Variants in SSBP3 observed in about 807,000 individuals in gnomAD.
SSBP3 encodes the protein single stranded DNA binding protein 3, also known as single-stranded DNA-binding protein 3.
A neutral mutation model predicts 69.6 loss-of-function variants in SSBP3; 5 were observed. The ratio of observed to expected loss-of-function variants is 0.07; its 90% CI spans 0.04 to 0.15. The LOEUF (loss-of-function observed/expected upper bound fraction) is 0.15, where lower values mean the gene tolerates loss of function less well. Among genes scored for constraint, SSBP3 ranks in the 10% least tolerant of loss-of-function variants. The pLI is 1.00. For synonymous variants in SSBP3, 196 were observed against 193.4 expected, an observed-to-expected ratio of 1.01 and a Z score of -0.11; for missense variants, 312 against 534.0, an observed-to-expected ratio of 0.58 and a Z score of 4.10.
intron 4 of SSBP3, among the ~76,000 whole-genome samples, chr1:54,327,140 G>C (rs1378711812): frequency 6.6e-6 from 1 of 151,880 alleles, no homozygotes; most frequent in Non-Finnish European, 1.5e-5. Context: ...ACACCCAAAA[G>C]TGACACATTC....
intron 4 of SSBP3, among the ~76,000 whole-genome samples, chr1:54,289,813 G>A (rs1557500388): frequency 6.6e-6 from 1 of 152,096 alleles, no homozygotes; most frequent in Non-Finnish European, 1.5e-5. Context: ...CCATCTCCAG[G>A]GTAGGGGGTG....
rs776507114 is a variant in SSBP3, at chr1:54,306,011, T to C, written c.277-24484A>G. Among the ~76,000 whole-genome samples, 26 of 151,632 alleles carry C rather than the reference T, an allele frequency of 1.7e-4. 1 individual carries two copies. Among genetic ancestry groups the C allele is most frequent in the Non-Finnish European group, 3.1e-4 (21 of 67,930 alleles). On this transcript the variant is annotated intron_variant, in intron 4 of 17. Coordinates refer to ENST00000610401, the Ensembl canonical transcript of SSBP3. ...TTGAGGGTCCAGGGGAAACACCACA[T>C]TCCTCGGTAGCCCTTCCCAGACTTC...
chr1:54,309,732 G>C (rs1645964749), intron 4 of SSBP3, among the ~76,000 whole-genome samples: 1 of 152,112 alleles, frequency 6.6e-6, no homozygotes, highest in African/African-American at 2.4e-5. Context: ...TGCCAAAAAA[G>C]GGAAAAGAAA....
At chr1:54,404,807 G>GT (rs775178423) in intron 2 of SSBP3, 51 bp downstream of exon 2, 11 of 770,496 alleles carry the variant, frequency 1.4e-5, no homozygotes, top group South Asian at 4.4e-5. Flanking sequence ...TCTAAGAATA[G>GT]TGGGGGGGGG....
At chr1:54,230,028 G>A (rs1279327014) in intron 14 of SSBP3, among the ~76,000 whole-genome samples, 1 of 152,242 alleles carries the variant, frequency 6.6e-6, no homozygotes, top group Non-Finnish European at 1.5e-5. Flanking sequence ...AGAGCCCATC[G>A]CGGAAATCAC....
At chr1:54,407,125 A>C (rs1570087951), upstream of SSBP3, among the ~76,000 whole-genome samples, 1 of 151,932 alleles carries the variant, frequency 6.6e-6, no homozygotes, top group South Asian at 2.1e-4. Context: ...GCCGCGCGAA[A>C]ATGGCCCTTG....
intron 4 of SSBP3, among the ~76,000 whole-genome samples, chr1:54,346,971 T>C (rs1646700794): frequency 6.6e-6 from 1 of 151,918 alleles, no homozygotes; most frequent in Non-Finnish European, 1.5e-5. Context: ...CATCCTCCCA[T>C]ATACATTTTA....
chr1:54,285,862 A>G (rs900990072), intron 4 of SSBP3, among the ~76,000 whole-genome samples: 1 of 152,138 alleles, frequency 6.6e-6, no homozygotes, highest in African/African-American at 2.4e-5. Context: ...TTCAGAAGCT[A>G]GAGATCTCCT....
chr1:54,276,590 C>T (rs1402021430), intron 5 of SSBP3, among the ~76,000 whole-genome samples: 3 of 106,698 alleles, frequency 2.8e-5, no homozygotes, highest in Non-Finnish European at 5.0e-5. Flanking sequence ...GCCTGGGTGA[C>T]AGAGTGAGAC....
intron 13 of SSBP3, among the ~76,000 whole-genome samples, chr1:54,240,505 T>G: frequency 1.5e-5 from 2 of 137,554 alleles, no homozygotes; most frequent in Admixed American, 1.4e-4. Context: ...AGGGATCTCC[T>G]ATATAGAGGA....
At chr1:54,249,715 TA>T (rs969839758) in intron 9 of SSBP3, among the ~76,000 whole-genome samples, 46 of 114,290 alleles carry the variant, frequency 4.0e-4, no homozygotes, top group African/African-American at 1.6e-3. Flanking sequence ...TTAAAAAATT[TA>T]AAAAAACTTT....
At chr1:54,308,530 G>A (rs1645940660) in intron 4 of SSBP3, among the ~76,000 whole-genome samples, 2 of 151,248 alleles carry the variant, frequency 1.3e-5, no homozygotes, top group Admixed American at 1.3e-4. Flanking sequence ...GAACCCGGGA[G>A]GCGGAGCTTG....
At chr1:54,302,827 T>C (rs1380776179) in intron 4 of SSBP3, among the ~76,000 whole-genome samples, 2 of 152,190 alleles carry the variant, frequency 1.3e-5, no homozygotes, top group African/African-American at 4.8e-5. Context: ...TATGACTTGT[T>C]TGCAGCTGCA....
At chr1:54,400,376 C>A (rs1457652178) in intron 4 of SSBP3, among the ~76,000 whole-genome samples, 3 of 124,214 alleles carry the variant, frequency 2.4e-5, no homozygotes, top group Admixed American at 1.1e-4. Context: ...AGGAAAAAAA[C>A]CATGCAAGAT....
In SSBP3 at chr1:54,351,600, AT is replaced by A. The variant is rs1465673020; in HGVS notation, c.276+50260del. ...CAAGAGTAATGTTATGATAATCTAA[AT>A]ATAAATGAAACTTTAACAACAATCT... On this transcript the variant is annotated intron_variant, in intron 4 of 17. Coordinates refer to ENST00000610401, the Ensembl canonical transcript of SSBP3. Among the ~76,000 whole-genome samples, 9 of 152,394 alleles carry A rather than the reference AT, an allele frequency of 5.9e-5. No homozygotes were observed. In the East Asian group the frequency reaches 1.7e-3, roughly 29 times the overall value.
chr1:54,231,509 A>G (rs932294819), intron 14 of SSBP3, among the ~76,000 whole-genome samples: 1 of 152,168 alleles, frequency 6.6e-6, no homozygotes, highest in South Asian at 2.1e-4. Flanking sequence ...TGAAGCACAA[A>G]TCTTAATCTC....
Position 54,258,124 on chromosome 1 carries a change from G to T in SSBP3, c.392C>A (p.Pro131Gln). 1 of 1,597,480 alleles carries T rather than the reference G, an allele frequency of 6.3e-7. No homozygotes were observed. The highest frequency in any genetic ancestry group is 8.5e-7 in the Non-Finnish European group (1 of 1,173,190). The change falls in exon 6 of 18, where the codon CCG becomes CAG. Residue 131 changes from proline to glutamine, a missense_variant. Physicochemically the swap from Pro to Gln is moderately conservative, Grantham distance 76. Coordinates refer to ENST00000610401, the Ensembl canonical transcript of SSBP3. This position sits in a 1 kb window ranked among gnomAD's most constrained non-coding sequence, Gnocchi z 4.5. ...ATTGTGAGGTGGAGGCTGTGCGTGC[G>T]GCGAGGGCTGTGACCCCGGAGGACC...
chr1:54,331,994 C>G (rs1027996473), intron 4 of SSBP3, among the ~76,000 whole-genome samples: 1 of 152,210 alleles, frequency 6.6e-6, no homozygotes, highest in Admixed American at 6.5e-5. Flanking sequence ...CAGACCTGTG[C>G]AGGGCTGCAA....
chr1:54,271,566 A>G (rs1645194515), intron 5 of SSBP3, among the ~76,000 whole-genome samples: 2 of 151,986 alleles, frequency 1.3e-5, no homozygotes, highest in African/African-American at 4.8e-5. Flanking sequence ...GTGCAGGGCC[A>G]TCGTGCTCCA....
Sources: gnomAD v4.1 joint callset for allele counts (sites outside exome capture counted in the v4.1 genomes callset) on GRCh38, gnomAD v4.1.1 for gene constraint, Gnocchi (gnomAD v3.1) non-coding constraint, MANE v1.5 for transcripts, NCBI Gene and HGNC (gene_info 2026-07-23, HGNC 2026-07-21) for gene names.